The following SHC2 variants were observed in gnomAD, a reference collection of about 807,000 sequenced individuals.
The protein encoded by SHC2 is SHC-transforming protein 2.
SHC2 carries 62 observed loss-of-function variants against 60.6 expected under a neutral mutation model. The ratio of observed to expected loss-of-function variants is 1.02; its 90% CI spans 0.83 to 1.26. The LOEUF is 1.26. Ranked by LOEUF, SHC2 falls within the 50% of genes most tolerant of loss-of-function variation. The pLI is 0.00. For missense variants in SHC2, 873 were observed against 822.2 expected (o/e 1.06, Z -0.76); for synonymous variants, 375 against 372.4 (o/e 1.01, Z -0.08).
At position 440,110 on chromosome 19, in the gene SHC2, G is replaced by A. The variant is rs1219327111; in HGVS notation, c.539+752C>T. Among the ~76,000 whole-genome samples the A allele has an allele frequency of 2.0e-5, 3 of 151,482 alleles. No homozygotes were observed. Among genetic ancestry groups the A allele is most frequent in the Non-Finnish European group, 2.9e-5 (2 of 67,874 alleles). On this transcript the variant is annotated intron_variant, in intron 2 of 12. Coordinates refer to ENST00000264554, the MANE Select transcript of SHC2 (RefSeq NM_012435.3). The surrounding 1 kb of genome is among the most constrained non-coding windows in gnomAD (Gnocchi z 7.0). ...GGGAACGCCATGCTCAGTGAGAGAC[G>A]CCAGACACACGAGGCCACGCAGCGT...
intron 10 of SHC2, among the ~76,000 whole-genome samples, chr19:423,933 G>A (rs76090343): frequency 0.034 from 5,179 of 152,272 alleles, 334 homozygotes; most frequent in East Asian, 0.27. Flanking sequence ...CCCATCTGAG[G>A]GCTGCTGTGA....
chr19:452,013 G>C (rs539861761), intron 1 of SHC2, among the ~76,000 whole-genome samples: 1 of 152,350 alleles, frequency 6.6e-6, no homozygotes, highest in African/African-American at 2.4e-5. Flanking sequence ...CATCTGCCCC[G>C]TCTGTGGCTG....
chr19:456,195 G>A lies in SHC2; in HGVS notation c.468+4334C>T, dbSNP rs531770106. On this transcript the variant is annotated intron_variant, in intron 1 of 12. Transcript: ENST00000264554. ...CTGAGCCGCCGGCCGCAGCCCCCGG[G>A]TGATGGGGCTTGGCTATTCCCCTCC... is the stretch of plus-strand genomic sequence containing the variant. Among the ~76,000 whole-genome samples, 15 of 152,304 alleles carry A rather than the reference G, an allele frequency of 9.8e-5. No individual in the cohort carries two copies. In the South Asian group the frequency reaches 2.7e-3, roughly 27 times the overall value.
intron 11 of SHC2, among the ~76,000 whole-genome samples, chr19:420,113 G>A (rs1974233951): frequency 6.6e-6 from 1 of 152,188 alleles, no homozygotes; most frequent in Admixed American, 6.5e-5. Flanking sequence ...CAGGTGTAGT[G>A]GCTGCCGGTC....
intron 1 of SHC2, among the ~76,000 whole-genome samples, chr19:457,668 C>T (rs769318545): frequency 5.3e-5 from 8 of 152,170 alleles, no homozygotes; most frequent in Non-Finnish European, 1.2e-4. Flanking sequence ...CCTGCAGTGA[C>T]GGAAAGCAGC....
In SHC2 at chr19:436,576, C is replaced by T. The variant is rs768998539; in HGVS notation, c.774+54G>A. ...GCTCTGGGGAAGGATGAGAGGGTCT[C>T]GCGGCCGGAGGGGGGCGGCAGGGCT... On this transcript the variant is annotated intron_variant, in intron 5 of 12. Coordinates refer to ENST00000264554, the MANE Select transcript of SHC2 (RefSeq NM_012435.3). 7.6e-5 allele frequency: 121 copies of T among 1,589,222 alleles called. 1 individual carries two copies. Among genetic ancestry groups the T allele is most frequent in the Middle Eastern group, 1.7e-4 (1 of 6,002 alleles).
At chr19:427,406 T>C (rs549942516) in intron 9 of SHC2, among the ~76,000 whole-genome samples, 1 of 152,166 alleles carries the variant, frequency 6.6e-6, no homozygotes, top group Non-Finnish European at 1.5e-5. Flanking sequence ...CGGAGCTACC[T>C]GAGGGAGCGG....
intron 1 of SHC2, among the ~76,000 whole-genome samples, chr19:443,629 G>C (rs909667561): frequency 6.9e-6 from 1 of 144,848 alleles, no homozygotes; most frequent in African/African-American, 2.6e-5. Flanking sequence ...TGGGTGGATG[G>C]ATGGACAGAT....
intron 8 of SHC2, among the ~76,000 whole-genome samples, chr19:434,404 C>G (rs1424482136): frequency 3.9e-4 from 1 of 2,594 alleles, no homozygotes; most frequent in Non-Finnish European, 7.0e-4. Context: ...GATCGTGAGT[C>G]TGTGAGTGAG....
At chr19:458,916 C>G (rs950460394) in intron 1 of SHC2, among the ~76,000 whole-genome samples, 1 of 151,970 alleles carries the variant, frequency 6.6e-6, no homozygotes, top group Non-Finnish European at 1.5e-5. Flanking sequence ...GGGGACCACA[C>G]GTGGGGGAGT....
At chr19:460,457 G>T in intron 1 of SHC2, 72 bp downstream of exon 1, 1 of 746,370 alleles carries the variant, frequency 1.3e-6, no homozygotes, top group Non-Finnish European at 1.8e-6. Context: ...GGGGTCCGGG[G>T]GTCCCGGAGG....
In SHC2 at chr19:458,094, T is replaced by C. The variant is rs768150594; in HGVS notation, c.468+2435A>G. Among the ~76,000 whole-genome samples, 343 of 71,220 alleles carry C rather than the reference T, an allele frequency of 4.8e-3. 2 individuals carry two copies. Among genetic ancestry groups the C allele is most frequent in the Middle Eastern group, 0.014 (1 of 70 alleles). The allele number at this position is 71,220 out of a possible 152,430, so 46.7% of individuals were successfully genotyped here. A position where few individuals can be genotyped will look rare whatever the true frequency, so the allele number is the denominator to read the frequency against. On this transcript the variant is annotated intron_variant, in intron 1 of 12. Coordinates refer to ENST00000264554, the MANE Select transcript of SHC2 (RefSeq NM_012435.3). The stretch of plus-strand genomic sequence containing the variant: ...GAAGCGGGTCTTGGGGAGGCGGAAG[T>C]GGGTCCCGGGGAGGCAGAAGCGGGT...
chr19:458,776 TCCGGGGAGGCGGAAGCGGGTC>T (rs1975456871), intron 1 of SHC2, among the ~76,000 whole-genome samples: 4 of 119,964 alleles, frequency 3.3e-5, no homozygotes, highest in African/African-American at 1.5e-4. Context: ...GGAGGCGGGT[TCCGGGGAGGCGGAAGCGGGTC>T]CTGGGGAGGC....
chr19:442,943 GTGAA>G (rs1231054235), intron 1 of SHC2, among the ~76,000 whole-genome samples: 137 of 102,774 alleles, frequency 1.3e-3, no homozygotes, highest in East Asian at 2.2e-3. Flanking sequence ...GGATGGGTGG[GTGAA>G]TGGATGGATG....
chr19:425,458 G>A lies in SHC2; in HGVS notation c.1175-227C>T, dbSNP rs1048170091. ...GGGGCTCCAACCAGGGACAAGAGTG[G>A]GGCAGCGTGCGGCTGGGGCTGTGGG... On this transcript the variant is annotated intron_variant, in intron 9 of 12. Coordinates refer to ENST00000264554, the MANE Select transcript of SHC2 (RefSeq NM_012435.3). This position sits in a 1 kb window ranked among gnomAD's most constrained non-coding sequence, Gnocchi z 4.1. Among the ~76,000 whole-genome samples the A allele has an allele frequency of 6.6e-6, 1 of 152,206 alleles. No individual in the cohort carries two copies. Among genetic ancestry groups the A allele is most frequent in the Admixed American group, 6.5e-5 (1 of 15,290 alleles).
chr19:422,268 T>G lies in SHC2; in HGVS notation c.1498A>C (p.Met500Leu). The G allele has an allele frequency of 6.2e-7, 1 of 1,612,438 alleles. No individual in the cohort carries two copies. Among genetic ancestry groups the G allele is most frequent in the East Asian group, 2.2e-5 (1 of 44,864 alleles). Reference protein sequence around the residue: ...GRMSRRAAERMLRADGDFLVR... With the variant: ...GRMSRRAAERLLRADGDFLVR... ...AGGAAGTCCCCGTCAGCTCGAAGCA[T>G]CCTCTCTGCCGCCCGGCGGCTCATC... The change falls in exon 11 of 13, where the codon ATG becomes CTG. Residue 500 changes from methionine to leucine, a missense_variant. Transcript: ENST00000264554. The surrounding 1 kb of genome is among the most constrained non-coding windows in gnomAD (Gnocchi z 5.0).
In SHC2 at chr19:438,300, C is replaced by A. The variant is rs538449321; in HGVS notation, c.720+418G>T. On this transcript the variant is annotated intron_variant, in intron 4 of 12. Coordinates refer to ENST00000264554, the MANE Select transcript of SHC2 (RefSeq NM_012435.3). The surrounding 1 kb of genome is among the most constrained non-coding windows in gnomAD (Gnocchi z 5.0). The stretch of plus-strand genomic sequence containing the variant: ...GGCCTCACAGTGCTGGGGTTACAGG[C>A]GTGAGCAACCAAGCCCGAGCCTGGT... Among the ~76,000 whole-genome samples the A allele has an allele frequency of 2.0e-5, 3 of 152,234 alleles. No homozygotes were observed. The highest frequency in any genetic ancestry group is 4.8e-5 in the African/African-American group (2 of 41,456).
At chr19:435,625 A>G (rs1162792520) in intron 7 of SHC2, among the ~76,000 whole-genome samples, 1 of 152,256 alleles carries the variant, frequency 6.6e-6, no homozygotes, top group Non-Finnish European at 1.5e-5. Flanking sequence ...GGCAAACCCC[A>G]GCCCAGGGCC....
chr19:442,080 C>T (rs1057190706), intron 1 of SHC2, among the ~76,000 whole-genome samples: 2 of 152,192 alleles, frequency 1.3e-5, no homozygotes, highest in Non-Finnish European at 2.9e-5. Context: ...CGGGCAGGGG[C>T]TCATCCTGGG....
Sources: gnomAD v4.1 joint callset for allele counts (sites outside exome capture counted in the v4.1 genomes callset) on GRCh38, gnomAD v4.1.1 for gene constraint, Gnocchi (gnomAD v3.1) non-coding constraint, MANE v1.5 for transcripts, NCBI Gene and HGNC (gene_info 2026-07-23, HGNC 2026-07-21) for gene names.